MYO10: variants seen among roughly 807,000 people sequenced by gnomAD.
MYO10 encodes myosin X, also known as unconventional myosin-X.
In MYO10, 133 loss-of-function variants were observed where a neutral mutation model predicts 257.3. That is an observed-to-expected ratio of 0.52 (90% CI 0.45 to 0.60). The LOEUF (loss-of-function observed/expected upper bound fraction) is 0.60, where lower values mean the gene tolerates loss of function less well. Ranked by LOEUF, MYO10 falls within the 20% of genes least tolerant of loss-of-function variation. The probability of loss-of-function intolerance (pLI) is 0.00; values close to 1 mark genes in which losing one functional copy is unlikely to be tolerated. For synonymous variants in MYO10, 1,104 were observed against 1,028.6 expected (o/e 1.07, Z -1.40); for missense variants, 2,399 against 2,635.7 (o/e 0.91, Z 1.97).
At chr5:16,842,464 C>G (rs1743511125) in intron 2 of MYO10, among the ~76,000 whole-genome samples, 1 of 152,188 alleles carries the variant, frequency 6.6e-6, no homozygotes, top group Non-Finnish European at 1.5e-5. Flanking sequence ...CTCACCAGCC[C>G]TGGGCTTCAG....
At chr5:16,727,772 T>C (rs1194414625) in intron 19 of MYO10, among the ~76,000 whole-genome samples, 1 of 150,582 alleles carries the variant, frequency 6.6e-6, no homozygotes, top group African/African-American at 2.4e-5. Context: ...TCCTTGCCTA[T>C]GGGGATGCTG....
At chr5:16,927,907 G>A (rs752429429) in intron 1 of MYO10, among the ~76,000 whole-genome samples, 11 of 152,146 alleles carry the variant, frequency 7.2e-5, no homozygotes, top group Non-Finnish European at 1.5e-4. Context: ...TCTTAGCAAG[G>A]CAGCAAAATG....
rs1013383960 is a variant in MYO10 at position 16,704,760 on chromosome 5, A to G, written c.2170-75T>C. On this transcript the variant is annotated intron_variant, in intron 21 of 40. Coordinates refer to ENST00000513610, the MANE Select transcript of MYO10 (RefSeq NM_012334.3). Reference sequence around the variant, plus strand: ...AGGAAGGCATTTCTGAGTCAAAGATATCTTCTGGAGTTAAGGCTTTTTTCT... The same window carrying G: ...AGGAAGGCATTTCTGAGTCAAAGATGTCTTCTGGAGTTAAGGCTTTTTTCT... 1.3e-5 allele frequency: 15 copies of G among 1,170,206 alleles called. No homozygotes were observed. The African/African-American group carries it at 1.7e-4, about 13-fold the overall frequency. 72.5% of individuals were successfully genotyped at this position (1,170,206 alleles called of 1,614,324 possible).
In MYO10 at chr5:16,679,241, G is replaced by A. The variant is rs139674474; in HGVS notation, c.4542+706C>T. 4.7e-3 allele frequency among the ~76,000 whole-genome samples: 708 copies of A among 152,188 alleles called. 5 individuals are homozygous for A. Among genetic ancestry groups the A allele is most frequent in the Non-Finnish European group, 7.1e-3 (484 of 68,018 alleles). On this transcript the variant is annotated intron_variant, in intron 33 of 40. Coordinates refer to ENST00000513610, the MANE Select transcript of MYO10 (RefSeq NM_012334.3). ...CTGTACAGTGACAGTGGAACTAGCC[G>A]GTTACTCCTAGAAGGTCTCCAACTG...
chr5:16,699,619 G>A (rs751244197), intron 25 of MYO10, 46 bp from the exon 26 acceptor site: 6 of 1,609,944 alleles, frequency 3.7e-6, no homozygotes, highest in Non-Finnish European at 2.5e-6. Context: ...AGGCCACAAA[G>A]CAAGCCACGA....
At chr5:16,881,795 A>G (rs254835) in intron 1 of MYO10, among the ~76,000 whole-genome samples, 72,070 of 152,008 alleles carry the variant, frequency 0.47, 17,732 homozygotes, top group Admixed American at 0.54. Context: ...ATTTGAAAAC[A>G]AAGTCACAGG....
chr5:16,679,524 G>GTTTTTTTTTTTTTTT (rs33919452), intron 33 of MYO10, among the ~76,000 whole-genome samples: 31 of 122,642 alleles, frequency 2.5e-4, no homozygotes, highest in African/African-American at 8.7e-4. Context: ...TTTTTTGGGT[G>GTTTTTTTTTTTTTTT]TTTTTTTTTT....
At chr5:16,710,417 C>T (rs775174325) in intron 21 of MYO10, among the ~76,000 whole-genome samples, 1 of 152,160 alleles carries the variant, frequency 6.6e-6, no homozygotes, top group African/African-American at 2.4e-5. Flanking sequence ...CATCTTCAAA[C>T]GTAGATTTTC....
chr5:16,925,179 A>C (rs1039282086), intron 1 of MYO10, among the ~76,000 whole-genome samples: 6 of 152,178 alleles, frequency 3.9e-5, no homozygotes, highest in African/African-American at 1.4e-4. Context: ...AAACCCAAAC[A>C]GAAATAATTT....
Position 16,878,777 on chromosome 5 carries a change from G to A in MYO10, c.22-1070C>T, listed in dbSNP as rs372900701. Among the ~76,000 whole-genome samples, 6 of 152,264 alleles carry A rather than the reference G, an allele frequency of 3.9e-5. No homozygotes were observed. The East Asian group carries it at 1.2e-3, about 29-fold the overall frequency. On this transcript the variant is annotated intron_variant, in intron 1 of 40. Coordinates refer to ENST00000513610, the MANE Select transcript of MYO10 (RefSeq NM_012334.3). ...GTTCTCGCTTATAAGTGGGAGCTAAGCTATGAGGATGCAAAGGCATAAGAA... is the reference window on the plus strand; with the variant it reads ...GTTCTCGCTTATAAGTGGGAGCTAAACTATGAGGATGCAAAGGCATAAGAA...
intron 2 of MYO10, among the ~76,000 whole-genome samples, chr5:16,818,407 T>TATATATATATATAC: frequency 7.9e-5 from 7 of 88,620 alleles, no homozygotes; most frequent in African/African-American, 2.8e-4. Flanking sequence ...TGTGTGTGTG[T>TATATATATATATAC]GTGTATATAT....
chr5:16,854,198 T>G (rs1580077048), intron 2 of MYO10: 1 of 152,350 alleles, frequency 6.6e-6, no homozygotes, highest in Admixed American at 6.5e-5. Context: ...TCACTCTTAC[T>G]TTTAGAAATA....
chr5:16,921,689 T>C (rs954388585), intron 1 of MYO10, among the ~76,000 whole-genome samples: 2 of 150,606 alleles, frequency 1.3e-5, no homozygotes, highest in African/African-American at 4.9e-5. Context: ...AAAAATACTA[T>C]CAAGTTTCAT....
chr5:16,719,068 T>A (rs1401935230), intron 19 of MYO10, among the ~76,000 whole-genome samples: 1 of 152,164 alleles, frequency 6.6e-6, no homozygotes, highest in African/African-American at 2.4e-5. Context: ...TCTTTTGCTC[T>A]TTGCAATAAA....
At chr5:16,724,125 A>C (rs1199860784) in intron 19 of MYO10, among the ~76,000 whole-genome samples, 1 of 152,228 alleles carries the variant, frequency 6.6e-6, no homozygotes, top group Non-Finnish European at 1.5e-5. Context: ...AAGAGAATCT[A>C]AATGAATCGA....
chr5:16,731,148 C>CAATT (rs983811168), intron 19 of MYO10, among the ~76,000 whole-genome samples: 7 of 151,226 alleles, frequency 4.6e-5, no homozygotes, highest in Non-Finnish European at 1.0e-4. Context: ...TGGGTTCAAG[C>CAATT]AATTCTCTGC....
intron 19 of MYO10, among the ~76,000 whole-genome samples, chr5:16,725,771 A>G (rs173738): frequency 0.66 from 100,075 of 150,502 alleles, 33,543 homozygotes; most frequent in African/African-American, 0.73. Flanking sequence ...CAGGCCAGAG[A>G]AGCAACAGGT....
At chr5:16,668,208 G>A (rs1226471028) in intron 40 of MYO10, 69 bp downstream of exon 40, 3 of 1,471,776 alleles carry the variant, frequency 2.0e-6, no homozygotes, top group Admixed American at 4.3e-5. Context: ...AAGGCATGAG[G>A]AAATGGGGTC....
chr5:16,704,091 C>T (rs886986274), intron 22 of MYO10, among the ~76,000 whole-genome samples: 12 of 151,882 alleles, frequency 7.9e-5, no homozygotes, highest in Admixed American at 4.6e-4. Context: ...CTTTGTCAGC[C>T]GGGAGGATCC....
Sources: allele counts gnomAD v4.1 joint callset (sites outside exome capture counted in the v4.1 genomes callset), GRCh38; gene constraint gnomAD v4.1.1; transcripts MANE v1.5; gene names NCBI Gene and HGNC (gene_info 2026-07-23, HGNC 2026-07-21).